The following C12orf71 variants were observed in gnomAD, a reference collection of about 807,000 sequenced individuals.
C12orf71 encodes chromosome 12 open reading frame 71.
C12orf71 carries 10 observed loss-of-function variants against 11.7 expected under a neutral mutation model. The ratio of observed to expected loss-of-function variants is 0.86; its 90% CI spans 0.53 to 1.45. The LOEUF is 1.45. Ranked by LOEUF, C12orf71 falls within the 40% of genes most tolerant of loss-of-function variation. C12orf71 has a pLI of 0.00. For synonymous variants in C12orf71, 110 were observed against 123.4 expected (o/e 0.89, Z 0.72); for missense variants, 293 against 325.8 (o/e 0.90, Z 0.78).
chr12:27,082,154 A>G lies in C12orf71; in HGVS notation c.330T>C (p.Asn110=), dbSNP rs778616967. The G allele has an allele frequency of 3.1e-6, 5 of 1,613,846 alleles. No homozygotes were observed. Among genetic ancestry groups the G allele is most frequent in the East Asian group, 4.5e-5 (2 of 44,882 alleles). Residue 110 remains asparagine, a synonymous_variant, in exon 1 of 2, where the codon AAT becomes AAC. Transcript: ENST00000429849. ...ACTTGTCTATCCACAGGTTGTCTCC[A>G]TTTAGAAGCCTATTAGCTCTTGAGT... ...NTDSRANRLL[N]GDNLWIDKLP... is the part of the protein sequence containing the mutation.
chr12:27,083,868 A>G (rs1349468510), upstream of C12orf71, among the ~76,000 whole-genome samples: 1 of 152,130 alleles, frequency 6.6e-6, no homozygotes, highest in Admixed American at 6.5e-5. Context: ...CCATCCTCCC[A>G]CCGTCTGATG....
At chr12:27,082,642 C>G, upstream of C12orf71, 1 of 539,774 alleles carries the variant, frequency 1.9e-6, no homozygotes, top group Non-Finnish European at 2.9e-6. Flanking sequence ...CGAAGTCTCA[C>G]TCTGTCTCCC....
upstream of C12orf71, among the ~76,000 whole-genome samples, chr12:27,083,622 C>A (rs753296149): frequency 1.3e-4 from 20 of 152,098 alleles, no homozygotes; most frequent in Non-Finnish European, 2.6e-4. Flanking sequence ...ATAGTTGAAA[C>A]TGAAATTATT....
At chr12:27,083,611 T>C (rs1245173910), upstream of C12orf71, among the ~76,000 whole-genome samples, 3 of 152,228 alleles carry the variant, frequency 2.0e-5, no homozygotes, top group Non-Finnish European at 2.9e-5. Context: ...GGATATGACA[T>C]ATAGTTGAAA....
chr12:27,082,605 C>G, upstream of C12orf71: 1 of 707,754 alleles, frequency 1.4e-6, no homozygotes, highest in Non-Finnish European at 2.1e-6. Context: ...CCATTCCCTT[C>G]TCTTTTTTCT....
At position 27,081,300 on chromosome 12, in the gene C12orf71, C is replaced by T. The variant is rs552137786; in HGVS notation, c.684G>A (p.Leu228=). 2.3e-5 allele frequency: 37 copies of T among 1,613,934 alleles called. No individual in the cohort carries two copies. In the East Asian group the frequency reaches 8.2e-4, roughly 36 times the overall value. The change falls in exon 2 of 2, where the codon CTG becomes CTA. Residue 228 remains leucine, a synonymous_variant. Coordinates refer to ENST00000429849, the MANE Select transcript of C12orf71 (RefSeq NM_001080406.2). ...SWLRQRILPS[L]LRRDHPVNAT... ...CATTCACAGGGTGATCCCTCCTCAG[C>T]AGAGAGGGGAGGATACGCTGCCTCA...
intron 1 of C12orf71, 43 bp downstream of exon 1, chr12:27,081,925 A>G (rs1478090096): frequency 5.2e-6 from 8 of 1,548,782 alleles, no homozygotes; most frequent in Non-Finnish European, 6.1e-6. Context: ...GGTGGCTTGC[A>G]CTTGGGCAGG....
In C12orf71 at chr12:27,082,450, C is replaced by T; in HGVS notation, c.34G>A (p.Asp12Asn). Residue 12 changes from aspartate (D) to asparagine (N), a missense_variant, in exon 1 of 2, where the codon GAC becomes AAC. Transcript: ENST00000429849. ...AYSSSNSDIE[D>N]DSSKSNSNLS... ...TTGGAATTGGATTTGGAGCTGTCGT[C>T]CTCTATGTCGCTGTTAGAGGATGAA... is the stretch of plus-strand genomic sequence containing the variant. 6.6e-7 allele frequency: 1 copy of T among 1,513,296 alleles called. No individual in the cohort carries two copies. The highest frequency in any genetic ancestry group is 8.8e-7 in the Non-Finnish European group (1 of 1,131,612). 93.7% of individuals were successfully genotyped at this position (1,513,296 alleles called of 1,614,324 possible).
chr12:27,081,527 G>A (rs1941932714), intron 1 of C12orf71, 60 bp from the exon 2 acceptor site: 41 of 1,514,008 alleles, frequency 2.7e-5, no homozygotes, highest in Non-Finnish European at 3.2e-5. Context: ...CCAAATCAAC[G>A]TTTACTCATT....
chr12:27,083,428 A>G (rs979462266), upstream of C12orf71, among the ~76,000 whole-genome samples: 3 of 152,266 alleles, frequency 2.0e-5, no homozygotes, highest in African/African-American at 7.2e-5. Flanking sequence ...GGAAAAATAT[A>G]GGAAAGTATG....
At chr12:27,083,724 C>G (rs373433708), upstream of C12orf71, among the ~76,000 whole-genome samples, 4 of 152,318 alleles carry the variant, frequency 2.6e-5, no homozygotes, top group South Asian at 4.1e-4. Flanking sequence ...AATAAACCCG[C>G]TTTTCCATAA....
At chr12:27,081,772 TC>T in intron 1 of C12orf71, 195 bp downstream of exon 1, 1 of 734,948 alleles carries the variant, frequency 1.4e-6, no homozygotes, top group Non-Finnish European at 2.4e-6. Context: ...GGGACCTGCC[TC>T]CTCCTAGTGG....
At chr12:27,081,884 C>A in intron 1 of C12orf71, 84 bp downstream of exon 1, 1 of 1,348,318 alleles carries the variant, frequency 7.4e-7, no homozygotes, top group Non-Finnish European at 1.0e-6. Context: ...TTAGAGGAGT[C>A]TGTGGAGACT....
upstream of C12orf71, among the ~76,000 whole-genome samples, chr12:27,083,746 T>TA (rs1451210038): frequency 6.6e-6 from 1 of 152,176 alleles, no homozygotes; most frequent in African/African-American, 2.4e-5. Context: ...TCTTTGACTA[T>TA]GTCTCTTATT....
rs755237630 is a variant in C12orf71 at position 27,081,992 on chromosome 12, G to C, written c.492C>G (p.Ser164Arg). ...CCTGAACCATTTCCGGAGGGGAGCC[G>C]CTGGATAGCTGGAAATCTTGCTGAG... ...ETAQQDFQLS[S>R]GSPPEMVQMI... Residue 164 changes from serine to arginine, a missense_variant, in exon 1 of 2, where the codon AGC becomes AGG. Physicochemically the swap from Ser to Arg is moderately radical, Grantham distance 110. Transcript: ENST00000429849. 5 of 1,583,536 alleles carry C rather than the reference G, an allele frequency of 3.2e-6. No individual in the cohort carries two copies. The Admixed American group carries it at 9.0e-5, about 29-fold the overall frequency.
chr12:27,082,410 A>C lies in C12orf71; in HGVS notation c.74T>G (p.Val25Gly), dbSNP rs750722121. The C allele has an allele frequency of 6.5e-6, 10 of 1,544,534 alleles. No homozygotes were observed. The highest frequency in any genetic ancestry group is 8.7e-6 in the Non-Finnish European group (10 of 1,149,564). ...GGTGTCCTCACAGGGGAAATAGCCC[A>C]CAGAGAGGCTCAGGTTGGAATTGGA... is the stretch of plus-strand genomic sequence containing the variant. ...SKSNSNLSLS[V>G]GYFPCEDTPC... Residue 25 changes from valine (V) to glycine (G), a missense_variant, in exon 1 of 2, where the codon GTG (valine) becomes GGG (glycine). Transcript: ENST00000429849.
At chr12:27,082,731 C>T (rs749112933), upstream of C12orf71, among the ~76,000 whole-genome samples, 2 of 151,716 alleles carry the variant, frequency 1.3e-5, no homozygotes, top group Non-Finnish European at 2.9e-5. Flanking sequence ...GCACACGCCA[C>T]CACACCTGGC....
At position 27,081,761 on chromosome 12, in the gene C12orf71, T is replaced by C; in HGVS notation, c.516+207A>G. The C allele has an allele frequency of 5.5e-6, 4 of 725,942 alleles. No individual in the cohort carries two copies. In the South Asian group the frequency reaches 6.0e-5, roughly 11 times the overall value. The allele number at this position is 725,942 out of a possible 1,614,324, so 45.0% of individuals were successfully genotyped here. A position where few individuals can be genotyped will look rare whatever the true frequency, so the allele number is the denominator to read the frequency against. ...CCCACTGGTATCACGTCAGTCCCCC[T>C]GGGACCTGCCTCCTCCTAGTGGTCA... On this transcript the variant is annotated intron_variant, in intron 1 of 1. Coordinates refer to ENST00000429849, the MANE Select transcript of C12orf71 (RefSeq NM_001080406.2).
chr12:27,081,597 T>C, intron 1 of C12orf71, 130 bp from the exon 2 acceptor site: 1 of 857,314 alleles, frequency 1.2e-6, no homozygotes. Context: ...GTTTCAATGC[T>C]CATCAATACT....
Sources: allele counts gnomAD v4.1 joint callset (sites outside exome capture counted in the v4.1 genomes callset), GRCh38; gene constraint gnomAD v4.1.1; transcripts MANE v1.5; gene names NCBI Gene and HGNC (gene_info 2026-07-23, HGNC 2026-07-21).